Variants in NUBP1 observed in about 807,000 individuals in gnomAD.
NUBP1 encodes the protein NUBP iron-sulfur cluster assembly factor 1, cytosolic, also known as cytosolic Fe-S cluster assembly factor NUBP1.
NUBP1 carries 46 observed loss-of-function variants against 41.8 expected under a neutral mutation model. That is an observed-to-expected ratio of 1.10 (90% confidence interval 0.87 to 1.41). NUBP1 has a LOEUF of 1.41. Ranked by LOEUF, NUBP1 falls within the 40% of genes most tolerant of loss-of-function variation. The pLI is 0.00. For missense variants in NUBP1, 494 were observed against 414.0 expected (o/e 1.19, Z -1.68); for synonymous variants, 189 against 154.6 (o/e 1.22, Z -1.65).
chr16:10,763,394 C>G (rs79813851), intron 9 of NUBP1: 3,638 of 152,380 alleles, frequency 0.024, 155 homozygotes, highest in African/African-American at 0.083. Context: ...GGGAACAGCC[C>G]GGGAGAACGC....
At chr16:10,762,601 C>T (rs968608280) in intron 9 of NUBP1, among the ~76,000 whole-genome samples, 7 of 152,204 alleles carry the variant, frequency 4.6e-5, no homozygotes, top group South Asian at 2.1e-4. Flanking sequence ...TCCTGCGGGG[C>T]GTCCAGCACT....
At chr16:10,764,615 A>C (rs1323686178) in intron 9 of NUBP1, among the ~76,000 whole-genome samples, 2 of 144,878 alleles carry the variant, frequency 1.4e-5, no homozygotes, top group African/African-American at 5.2e-5. Context: ...CTGCTGGAGT[A>C]TGTCAGTCTA....
intron 9 of NUBP1, chr16:10,762,104 G>C (rs553616318): frequency 5.0e-6 from 2 of 400,138 alleles, no homozygotes; most frequent in Non-Finnish European, 9.2e-6. Context: ...GAAGAATGGG[G>C]TAGAGGTTGG....
rs1312348144 is a variant in NUBP1 at position 10,757,496 on chromosome 16, G to A, written c.452-377G>A. ...TCTTTGTTGGGGGGAGGAGTAGACC[G>A]TGTTCTACACCATAGGGTGTTAAAC... On this transcript the variant is annotated intron_variant, in intron 6 of 10. Transcript: ENST00000283027. This position sits in a 1 kb window ranked among gnomAD's most constrained non-coding sequence, Gnocchi z 4.1. Among the ~76,000 whole-genome samples the A allele has an allele frequency of 8.5e-5, 13 of 152,076 alleles. No homozygotes were observed. In the South Asian group the frequency reaches 1.2e-3, roughly 15 times the overall value.
At chr16:10,744,252 G>T (rs1899956024) in intron 2 of NUBP1, among the ~76,000 whole-genome samples, 187 bp downstream of exon 2, 1 of 152,166 alleles carries the variant, frequency 6.6e-6, no homozygotes, top group South Asian at 2.1e-4. Flanking sequence ...GGCGGAGCTT[G>T]GAATGACTGA....
At chr16:10,762,472 C>T (rs2030081887) in intron 9 of NUBP1, among the ~76,000 whole-genome samples, 1 of 152,202 alleles carries the variant, frequency 6.6e-6, no homozygotes, top group African/African-American at 2.4e-5. Context: ...CCGCCGGGCG[C>T]CCACTCGCCG....
In NUBP1 at chr16:10,755,735, C is replaced by T; in HGVS notation, c.342C>T (p.Gly114=). 1 of 1,614,174 alleles carries T rather than the reference C, an allele frequency of 6.2e-7. No homozygotes were observed. Among genetic ancestry groups the T allele is most frequent in the East Asian group, 2.2e-5 (1 of 44,886 alleles). Residue 114 remains glycine (G), a synonymous_variant, in exon 5 of 11, where the codon GGC becomes GGT. Transcript: ENST00000283027. ...TGTTCACACAGGTTCACCAGAGTGGCTCAGGCTGGTCTCCAGTGGTGAGTT... is the reference window on the plus strand; with the variant it reads ...TGTTCACACAGGTTCACCAGAGTGGTTCAGGCTGGTCTCCAGTGGTGAGTT... The part of the protein sequence containing the change: ...GLEGEQVHQS[G]SGWSPVYVED...
At chr16:10,762,346 T>C (rs2030055366) in intron 9 of NUBP1, among the ~76,000 whole-genome samples, 1 of 152,084 alleles carries the variant, frequency 6.6e-6, no homozygotes, top group Non-Finnish European at 1.5e-5. Flanking sequence ...GGGGCCAAGT[T>C]CCCAAAAAAT....
Position 10,749,120 on chromosome 16 carries a change from G to GACACACAGACACAC in NUBP1, c.258+1849_258+1850insCAGACACACACACA, listed in dbSNP as rs777149995. Among the ~76,000 whole-genome samples the GACACACAGACACAC allele has an allele frequency of 2.2e-5, 2 of 92,342 alleles. No homozygotes were observed. The highest frequency in any genetic ancestry group is 7.8e-5 in the African/African-American group (2 of 25,744). The allele number at this position is 92,342 out of a possible 152,430, so 60.6% of individuals were successfully genotyped here. ...AAAAAAGGATATAGATAGATACACAGACACATACACACACACACACACACA... is the reference window on the plus strand; with the variant it reads ...AAAAAAGGATATAGATAGATACACAGACACACAGACACACACACATACACACACACACACACACA... On this transcript the variant is annotated intron_variant, in intron 3 of 10. Coordinates refer to ENST00000283027, the MANE Select transcript of NUBP1 (RefSeq NM_002484.4). This position sits in a 1 kb window ranked among gnomAD's most constrained non-coding sequence, Gnocchi z 4.1.
chr16:10,760,896 ACTGC>A (rs1900906939), intron 7 of NUBP1: 1 of 165,268 alleles, frequency 6.1e-6, no homozygotes, highest in African/African-American at 2.4e-5. Flanking sequence ...GCTGTAAAGA[ACTGC>A]CTGAGACTGG....
chr16:10,747,810 G>A (rs577458179), intron 3 of NUBP1, among the ~76,000 whole-genome samples: 5 of 152,290 alleles, frequency 3.3e-5, no homozygotes, highest in East Asian at 3.9e-4. Flanking sequence ...ATTACATTAC[G>A]TTCACGCTTC....
chr16:10,758,974 G>T (rs991769056), intron 7 of NUBP1, among the ~76,000 whole-genome samples: 18 of 152,284 alleles, frequency 1.2e-4, no homozygotes, highest in African/African-American at 4.3e-4. Flanking sequence ...ATCCATCTCA[G>T]GGGCCTGAGA....
At position 10,761,740 on chromosome 16, in the gene NUBP1, T is replaced by C; in HGVS notation, c.718-17T>C. 6.2e-7 allele frequency: 1 copy of C among 1,602,212 alleles called. No individual in the cohort carries two copies. The highest frequency in any genetic ancestry group is 8.5e-7 in the Non-Finnish European group (1 of 1,169,804). On this transcript the variant is annotated splice_polypyrimidine_tract_variant and intron_variant, in intron 8 of 10. Transcript: ENST00000283027. ...GCAAAAAAATTATGTTTCCTCCCCT[T>C]TGAATTTGCCTTGCAGAAAGAATCT...
At chr16:10,758,179 T>C in intron 7 of NUBP1, 152 bp downstream of exon 7, 1 of 839,270 alleles carries the variant, frequency 1.2e-6, no homozygotes, top group Non-Finnish European at 1.8e-6. Context: ...AAACCTCGTG[T>C]TAAAAACTTC....
At chr16:10,752,479 G>T (rs959605055) in intron 3 of NUBP1, 131 bp from the exon 4 acceptor site, 112 of 686,910 alleles carry the variant, frequency 1.6e-4, no homozygotes, top group Admixed American at 9.5e-4. Context: ...AGAATCTGAT[G>T]GCTCCAAGTT....
rs1196685997 is a variant in NUBP1 at position 10,749,973 on chromosome 16, T to G, written c.259-2637T>G. On this transcript the variant is annotated intron_variant, in intron 3 of 10. Coordinates refer to ENST00000283027, the MANE Select transcript of NUBP1 (RefSeq NM_002484.4). This position sits in a 1 kb window ranked among gnomAD's most constrained non-coding sequence, Gnocchi z 4.1. Reference sequence around the variant, plus strand: ...CCAAGAGTCATACACTGTCTTCCACTGCAAAAGTCACCGACTCCCAGCCTG... The same window carrying G: ...CCAAGAGTCATACACTGTCTTCCACGGCAAAAGTCACCGACTCCCAGCCTG... Among the ~76,000 whole-genome samples, 3 of 152,204 alleles carry G rather than the reference T, an allele frequency of 2.0e-5. No homozygotes were observed. Among genetic ancestry groups the G allele is most frequent in the Non-Finnish European group, 2.9e-5 (2 of 68,032 alleles).
chr16:10,762,834 C>T (rs930440210), intron 9 of NUBP1, among the ~76,000 whole-genome samples: 3 of 151,350 alleles, frequency 2.0e-5, no homozygotes, highest in East Asian at 3.9e-4. Context: ...GGGCGGGGCC[C>T]GTGGAGAGCC....
rs2030985822 is a variant in NUBP1 at position 10,767,039 on chromosome 16, T to C, written c.821-910T>C. 1.3e-5 allele frequency: 5 copies of C among 398,516 alleles called. No individual in the cohort carries two copies. Among genetic ancestry groups the C allele is most frequent in the Non-Finnish European group, 2.2e-5 (5 of 226,102 alleles). 24.7% of individuals were successfully genotyped at this position (398,516 alleles called of 1,614,324 possible). A position where few individuals can be genotyped will look rare whatever the true frequency, so the allele number is the denominator to read the frequency against. On this transcript the variant is annotated intron_variant, in intron 9 of 10. Transcript: ENST00000283027. This position sits in a 1 kb window ranked among gnomAD's most constrained non-coding sequence, Gnocchi z 4.6. The stretch of plus-strand genomic sequence containing the variant: ...TTCCCTGTCCCACAGGGCGACACAG[T>C]AGTGAAGTTGAGGAAATGATGAGTG...
chr16:10,745,830 C>T (rs1172120881), intron 2 of NUBP1, among the ~76,000 whole-genome samples: 1 of 152,226 alleles, frequency 6.6e-6, no homozygotes, highest in Admixed American at 6.5e-5. Flanking sequence ...AGGACTATCT[C>T]ATCCCATCTT....
Sources: gnomAD v4.1 joint callset for allele counts (sites outside exome capture counted in the v4.1 genomes callset) on GRCh38, gnomAD v4.1.1 for gene constraint, Gnocchi (gnomAD v3.1) non-coding constraint, MANE v1.5 for transcripts, NCBI Gene and HGNC (gene_info 2026-07-23, HGNC 2026-07-21) for gene names.